Variants in CNN2 observed in about 807,000 individuals in gnomAD.
CNN2 encodes calponin-2.
CNN2 carries 21 observed loss-of-function variants against 31.0 expected under a neutral mutation model. That is an observed-to-expected ratio of 0.68 (90% CI 0.48 to 0.98). The LOEUF is 0.98. Among genes scored for constraint, CNN2 ranks in the 50% least tolerant of loss-of-function variants. CNN2 has a pLI of 0.00. For synonymous variants in CNN2, 165 were observed against 179.6 expected, an observed-to-expected ratio of 0.92 and a Z score of 0.65; for missense variants, 399 against 427.3, an observed-to-expected ratio of 0.93 and a Z score of 0.58.
intron 4 of CNN2, 140 bp downstream of exon 4, chr19:1,032,836 T>G: frequency 1.5e-6 from 1 of 669,466 alleles, no homozygotes; most frequent in South Asian, 1.8e-5. Flanking sequence ...TGGAGTGCAA[T>G]GGCGTGATCT....
Position 1,036,240 on chromosome 19 carries a change from G to A in CNN2, c.501G>A (p.Gly167=), listed in dbSNP as rs372589632. 3.2e-6 allele frequency: 5 copies of A among 1,586,758 alleles called. No homozygotes were observed. The highest frequency in any genetic ancestry group is 4.3e-6 in the Non-Finnish European group (5 of 1,164,686). The change falls in exon 5 of 7, where the codon GGG becomes GGA. Residue 167 remains glycine, a synonymous_variant. Transcript: ENST00000263097. ...TGAAGGCTGGCCAGTGCGTCATCGG[G>A]CTGCAGGTGGGCGACAGCTCCCCCA... is the stretch of plus-strand genomic sequence containing the variant. ...ATMKAGQCVI[G]LQMGTNKCAS...
chr19:1,029,876 T>G (rs1369429915), intron 1 of CNN2, among the ~76,000 whole-genome samples: 1 of 151,954 alleles, frequency 6.6e-6, no homozygotes, highest in South Asian at 2.1e-4. Context: ...ATTTTTGTAT[T>G]TTAGTACAGA....
chr19:1,031,859 C>T (rs976209659), intron 2 of CNN2, among the ~76,000 whole-genome samples: 2 of 152,030 alleles, frequency 1.3e-5, no homozygotes, highest in African/African-American at 2.4e-5. Context: ...GTCACGTGAT[C>T]TGCCTGCCTC....
intron 2 of CNN2, 87 bp from the exon 3 acceptor site, chr19:1,032,305 G>A: frequency 8.5e-6 from 13 of 1,537,132 alleles, no homozygotes; most frequent in Non-Finnish European, 1.1e-5. Flanking sequence ...GAAGGCGTGA[G>A]CTTGGCTGAG....
intron 2 of CNN2, 117 bp from the exon 3 acceptor site, chr19:1,032,275 G>A (rs1409310756): frequency 4.3e-6 from 5 of 1,162,866 alleles, no homozygotes; most frequent in Non-Finnish European, 6.3e-6. Flanking sequence ...GGCCCAGAGA[G>A]AGGCCGTGAG....
intron 4 of CNN2, chr19:1,033,020 C>T: frequency 3.7e-6 from 1 of 268,820 alleles, no homozygotes; most frequent in East Asian, 9.5e-5. Flanking sequence ...TTCAGGTGAT[C>T]CGCCCGCCTC....
intron 1 of CNN2, among the ~76,000 whole-genome samples, chr19:1,028,735 G>A (rs369011325): frequency 6.6e-6 from 1 of 152,146 alleles, no homozygotes; most frequent in African/African-American, 2.4e-5. Context: ...GCAGCGGCTG[G>A]GGGTGGGGCC....
At chr19:1,033,152 GTCTACCCC>G (rs971363412) in intron 4 of CNN2, among the ~76,000 whole-genome samples, 1 of 152,158 alleles carries the variant, frequency 6.6e-6, no homozygotes, top group Non-Finnish European at 1.5e-5. Flanking sequence ...GAAGGACATG[GTCTACCCC>G]TTATGCAGTT....
intron 5 of CNN2, 58 bp downstream of exon 5, chr19:1,036,304 G>A (rs2039583205): frequency 6.4e-7 from 1 of 1,568,608 alleles, no homozygotes; most frequent in Non-Finnish European, 8.7e-7. Context: ...ACGGTGTTGG[G>A]GGACAGCAGC....
At chr19:1,032,303 G>A (rs1335202709) in intron 2 of CNN2, 89 bp from the exon 3 acceptor site, 1 of 1,518,632 alleles carries the variant, frequency 6.6e-7, no homozygotes, top group African/African-American at 1.4e-5. Flanking sequence ...AGGAAGGCGT[G>A]AGCTTGGCTG....
rs569495504 is a variant in CNN2 at position 1,035,238 on chromosome 19, G to T, written c.391-892G>T. Among the ~76,000 whole-genome samples the T allele has an allele frequency of 1.5e-3, 188 of 125,588 alleles. 1 individual carries two copies. The highest frequency in any genetic ancestry group is 2.7e-3 in the Non-Finnish European group (150 of 56,408). The allele number at this position is 125,588 out of a possible 152,430, so 82.4% of individuals were successfully genotyped here. On this transcript the variant is annotated intron_variant, in intron 4 of 6. Transcript: ENST00000263097. ...AGACCGGGAGCGTGGGTGGGACACG[G>T]TGTCTGGTGTAGAATGGAATGGGAG...
intron 2 of CNN2, among the ~76,000 whole-genome samples, chr19:1,031,564 C>CA (rs536524090): frequency 0.085 from 5,627 of 66,226 alleles, 651 homozygotes; most frequent in African/African-American, 0.13. Context: ...GACTCCATCT[C>CA]AAAAAAAAAA....
chr19:1,027,641 G>A (rs139106846), intron 1 of CNN2, among the ~76,000 whole-genome samples: 2,506 of 152,300 alleles, frequency 0.016, 31 homozygotes, highest in South Asian at 0.039. Context: ...AGGGAAAGTG[G>A]GGGGCGGGGG....
rs1185831672 is a variant in CNN2 at position 1,031,089 on chromosome 19, C to A, written c.82C>A (p.Pro28Thr). 3 of 1,612,998 alleles carry A rather than the reference C, an allele frequency of 1.9e-6. No homozygotes were observed. The highest frequency in any genetic ancestry group is 1.7e-6 in the Non-Finnish European group (2 of 1,179,706). ...VKNRLLSKYD[P>T]QKEAELRTWI... ...CCACCAGCTCCTGTCCAAATATGACCCCCAGAAGGAGGCAGAGCTCCGCAC... is the reference window on the plus strand; with the variant it reads ...CCACCAGCTCCTGTCCAAATATGACACCCAGAAGGAGGCAGAGCTCCGCAC... The change falls in exon 2 of 7, where the codon CCC becomes ACC. Residue 28 changes from proline to threonine, a missense_variant. Physicochemically the swap from Pro to Thr is conservative, Grantham distance 38. Transcript: ENST00000263097.
Position 1,032,251 on chromosome 19 carries a change from A to AAG in CNN2, c.186-141_186-140insAG, listed in dbSNP as rs1555675095. The AAG allele has an allele frequency of 5.1e-3, 4,533 of 881,078 alleles. 18 individuals carry two copies. The highest frequency in any genetic ancestry group is 6.0e-3 in the Non-Finnish European group (3,436 of 573,526). 54.6% of individuals were successfully genotyped at this position (881,078 alleles called of 1,614,324 possible). A position where few individuals can be genotyped will look rare whatever the true frequency, so the allele number is the denominator to read the frequency against. On this transcript the variant is annotated intron_variant, in intron 2 of 6. Transcript: ENST00000263097. Reference sequence around the variant, plus strand: ...CGCCGTCTCAAAAAAAAAAAAAAAAAGAGTGGAAACTGAGGCCCAGAGAGA... The same window carrying AAG: ...CGCCGTCTCAAAAAAAAAAAAAAAAAAGGAGTGGAAACTGAGGCCCAGAGAGA...
chr19:1,027,387 G>A (rs758029699), intron 1 of CNN2, among the ~76,000 whole-genome samples: 1 of 152,368 alleles, frequency 6.6e-6, no homozygotes, highest in African/African-American at 2.4e-5. Context: ...AGAAGAGCTG[G>A]GGCCCGGCAG....
At chr19:1,036,661 C>G (rs2039592458) in intron 6 of CNN2, 99 bp downstream of exon 6, 2 of 1,459,380 alleles carry the variant, frequency 1.4e-6, no homozygotes, top group Non-Finnish European at 1.9e-6. Context: ...TCTCCCCACT[C>G]TCAGTCTCAG....
chr19:1,028,682 G>A (rs1474361183), intron 1 of CNN2, among the ~76,000 whole-genome samples: 1 of 152,038 alleles, frequency 6.6e-6, no homozygotes, highest in Non-Finnish European at 1.5e-5. Context: ...TGTGCTGGAA[G>A]GCCGGCGGCC....
In CNN2 at chr19:1,038,484, G is replaced by C. The variant is rs1437394053; in HGVS notation, c.*584G>C. The stretch of plus-strand genomic sequence containing the variant: ...GACCCTCAGACCTGCCCCGGGGCCA[G>C]GTGGAGAAAGTGAGGGCCGTACAAG... On this transcript the variant is annotated 3_prime_UTR_variant, in exon 7 of 7. Transcript: ENST00000263097. 6.6e-6 allele frequency: 1 copy of C among 152,360 alleles called. No individual in the cohort carries two copies. Among genetic ancestry groups the C allele is most frequent in the Non-Finnish European group, 1.5e-5 (1 of 68,080 alleles). The allele number at this position is 152,360 out of a possible 1,614,324, so 9.4% of individuals were successfully genotyped here.
Sources: allele counts gnomAD v4.1 joint callset (sites outside exome capture counted in the v4.1 genomes callset), GRCh38; gene constraint gnomAD v4.1.1; transcripts MANE v1.5; gene names NCBI Gene and HGNC (gene_info 2026-07-23, HGNC 2026-07-21).